The following HIVEP3 variants were observed in gnomAD, a reference collection of about 807,000 sequenced individuals.
HIVEP3 encodes HIVEP zinc finger 3, also known as transcription factor HIVEP3.
HIVEP3 carries 49 observed loss-of-function variants against 152.8 expected under a neutral mutation model. The ratio of observed to expected loss-of-function variants is 0.32; its 90% CI spans 0.26 to 0.41. The LOEUF (loss-of-function observed/expected upper bound fraction) is 0.41, where lower values mean the gene tolerates loss of function less well. HIVEP3 is among the 10% of genes least tolerant of loss of function. HIVEP3 has a pLI of 1.00. For synonymous variants in HIVEP3, 1,269 were observed against 1,289.0 expected (o/e 0.98, Z 0.33); for missense variants, 2,790 against 3,103.3 (o/e 0.90, Z 2.40).
intron 4 of HIVEP3, 49 bp from the exon 5 acceptor site, chr1:41,575,738 C>A: frequency 6.3e-7 from 1 of 1,596,360 alleles, no homozygotes; most frequent in Non-Finnish European, 8.6e-7. Context: ...AAAGTGCATC[C>A]TCAGTCACGA....
At chr1:41,775,775 C>T (rs146567846) in intron 1 of HIVEP3, among the ~76,000 whole-genome samples, 2,226 of 152,254 alleles carry the variant, frequency 0.015, 22 homozygotes, top group Non-Finnish European at 0.019. Context: ...GCCACCGCAC[C>T]CAGCCAGAAG....
At position 41,900,342 on chromosome 1, in the gene HIVEP3, C is replaced by T. The variant is rs547333675; in HGVS notation, c.-801+18071G>A. Among the ~76,000 whole-genome samples, 9 of 152,316 alleles carry T rather than the reference C, an allele frequency of 5.9e-5. No individual in the cohort carries two copies. The South Asian group carries it at 1.0e-3, about 18-fold the overall frequency. On this transcript the variant is annotated intron_variant, in intron 1 of 8. Transcript: ENST00000372583. The stretch of plus-strand genomic sequence containing the variant: ...GGTCAGTAAATGACAGTTATTGCTG[C>T]TATTACTTGGTAGACTCCCAAAAGT...
intron 1 of HIVEP3, among the ~76,000 whole-genome samples, chr1:41,907,558 C>T (rs374335134): frequency 2.5e-4 from 38 of 152,166 alleles, no homozygotes; most frequent in African/African-American, 8.0e-4. Flanking sequence ...GGGAAAAGAA[C>T]GTGAGACTGG....
In HIVEP3 at chr1:41,509,179, A is replaced by G. The variant is rs1644414077; in HGVS notation, c.*1272T>C. ...TTCAAAAATCCTCTAGGTCAAAAGA[A>G]TCTGTGGTGGCTGGGTGAAGTATCA... On this transcript the variant is annotated 3_prime_UTR_variant, in exon 9 of 9. Coordinates refer to ENST00000372583, the MANE Select transcript of HIVEP3 (RefSeq NM_024503.5). 1 of 152,288 alleles carries G rather than the reference A, an allele frequency of 6.6e-6. No individual in the cohort carries two copies. Among genetic ancestry groups the G allele is most frequent in the African/African-American group, 2.4e-5 (1 of 41,556 alleles). The allele number at this position is 152,288 out of a possible 1,614,324, so 9.4% of individuals were successfully genotyped here. A position where few individuals can be genotyped will look rare whatever the true frequency, so the allele number is the denominator to read the frequency against.
chr1:41,617,569 C>T (rs538468419), intron 3 of HIVEP3, among the ~76,000 whole-genome samples: 1 of 152,224 alleles, frequency 6.6e-6, no homozygotes, highest in African/African-American at 2.4e-5. Flanking sequence ...AGTGCGGCAC[C>T]GCCTGGGGTG....
intron 1 of HIVEP3, among the ~76,000 whole-genome samples, chr1:41,949,991 G>C (rs921366446): frequency 4.6e-5 from 7 of 152,270 alleles, no homozygotes; most frequent in Non-Finnish European, 8.8e-5. Flanking sequence ...AGGGTACTGA[G>C]AGACAGGACT....
At chr1:41,593,180 C>T (rs1644613223) in intron 3 of HIVEP3, among the ~76,000 whole-genome samples, 1 of 152,226 alleles carries the variant, frequency 6.6e-6, no homozygotes, top group Non-Finnish European at 1.5e-5. Flanking sequence ...TTTTAAACCA[C>T]TGCAGAATTG....
At chr1:41,635,743 A>G (rs920688077) in intron 2 of HIVEP3, among the ~76,000 whole-genome samples, 25 of 151,918 alleles carry the variant, frequency 1.6e-4, no homozygotes, top group Non-Finnish European at 3.7e-4. Context: ...ACTAGCAGTA[A>G]TAGGCAAAGT....
At chr1:42,027,887 C>T (rs965019580) in intron 1 of HIVEP3, among the ~76,000 whole-genome samples, 11 of 152,228 alleles carry the variant, frequency 7.2e-5, no homozygotes, top group Non-Finnish European at 1.2e-4. Context: ...CCCCATGATT[C>T]GATTACCTCC....
chr1:41,510,496 C>T lies in HIVEP3; in HGVS notation c.7176G>A (p.Arg2392=). ...SPKPSGSGEP[R]AHPHQPEDRV... ...TGTCCTCAGGCTGATGTGGATGTGC[C>T]CTGGGCTCCCCACTTCCTGAGGGCT... Residue 2392 remains arginine, a synonymous_variant, in exon 9 of 9, where the codon AGG becomes AGA. Coordinates refer to ENST00000372583, the MANE Select transcript of HIVEP3 (RefSeq NM_024503.5). 1 of 1,593,694 alleles carries T rather than the reference C, an allele frequency of 6.3e-7. No homozygotes were observed. The highest frequency in any genetic ancestry group is 8.5e-7 in the Non-Finnish European group (1 of 1,169,948).
At position 41,584,108 on chromosome 1, in the gene HIVEP3, C is replaced by T. The variant is rs767440330; in HGVS notation, c.690G>A (p.Lys230=). The change falls in exon 4 of 9, where the codon AAG becomes AAA. Residue 230 remains lysine (K), a synonymous_variant. Coordinates refer to ENST00000372583, the MANE Select transcript of HIVEP3 (RefSeq NM_024503.5). The surrounding 1 kb of genome is among the most constrained non-coding windows in gnomAD (Gnocchi z 5.2). ...TGTGCTTGTAGAGATTACTCTTGGT[C>T]TTGAAGGAGAAGCCACAGGGGCCGC... ...YPCGPCGFSF[K]TKSNLYKHRK... is the part of the protein sequence containing the mutation. 4 of 1,614,064 alleles carry T rather than the reference C, an allele frequency of 2.5e-6. No individual in the cohort carries two copies. The highest frequency in any genetic ancestry group is 1.3e-5 in the African/African-American group (1 of 74,928).
intron 1 of HIVEP3, among the ~76,000 whole-genome samples, chr1:41,706,653 G>C (rs1646438020): frequency 6.6e-6 from 1 of 152,218 alleles, no homozygotes; most frequent in South Asian, 2.1e-4. Flanking sequence ...CCACAGTAAA[G>C]AGTGAAGATG....
chr1:41,824,207 C>G lies in HIVEP3; in HGVS notation c.-801+94206G>C, dbSNP rs1200410927. Among the ~76,000 whole-genome samples, 8 of 152,264 alleles carry G rather than the reference C, an allele frequency of 5.3e-5. No individual in the cohort carries two copies. The South Asian group carries it at 1.2e-3, about 24-fold the overall frequency. The stretch of plus-strand genomic sequence containing the variant: ...TCCCAGGATACACCAAGAATCCCCC[C>G]AGGCCTTCTCATTCTGAATGCTACA... On this transcript the variant is annotated intron_variant, in intron 1 of 8. Coordinates refer to ENST00000372583, the MANE Select transcript of HIVEP3 (RefSeq NM_024503.5).
intron 2 of HIVEP3, among the ~76,000 whole-genome samples, chr1:41,649,151 T>C (rs970160098): frequency 6.6e-6 from 1 of 152,240 alleles, no homozygotes; most frequent in African/African-American, 2.4e-5. Flanking sequence ...AGAGTCCCAG[T>C]TCTGATGCTC....
chr1:41,637,065 C>CTAGCA (rs1057293670), intron 2 of HIVEP3, among the ~76,000 whole-genome samples: 4 of 151,944 alleles, frequency 2.6e-5, no homozygotes, highest in African/African-American at 7.2e-5. Flanking sequence ...TCATCAAATA[C>CTAGCA]TTCTCAAATA....
chr1:41,534,250 GAGCGA>G (rs1220402532), intron 5 of HIVEP3, among the ~76,000 whole-genome samples: 1 of 152,024 alleles, frequency 6.6e-6, no homozygotes, highest in Non-Finnish European at 1.5e-5. Context: ...ACTACCATCG[GAGCGA>G]AGCCCTGCAT....
In HIVEP3 at chr1:41,583,300, G is replaced by A; in HGVS notation, c.1498C>T (p.Pro500Ser). 1 of 1,612,294 alleles carries A rather than the reference G, an allele frequency of 6.2e-7. No homozygotes were observed. The highest frequency in any genetic ancestry group is 8.5e-7 in the Non-Finnish European group (1 of 1,179,266). The change falls in exon 4 of 9, where the codon CCA (proline) becomes TCA (serine). Residue 500 changes from proline (P) to serine (S), a missense_variant. Physicochemically the swap from Pro to Ser is moderately conservative, Grantham distance 74. Coordinates refer to ENST00000372583, the MANE Select transcript of HIVEP3 (RefSeq NM_024503.5). The surrounding 1 kb of genome is among the most constrained non-coding windows in gnomAD (Gnocchi z 6.9). ...GGCTCCCGGTAGAGGCTGGATTTTG[G>A]GGACTCCATGCTGCTGCGCCTGGAC... Reference protein sequence around the residue: ...SLSRRSSMESPKSSLYREPLS... With the variant: ...SLSRRSSMESSKSSLYREPLS...
intron 4 of HIVEP3, among the ~76,000 whole-genome samples, chr1:41,578,313 T>C (rs1238346847): frequency 6.6e-6 from 1 of 152,066 alleles, no homozygotes; most frequent in African/African-American, 2.4e-5. Flanking sequence ...ATCTTGGGAG[T>C]GGCCACAGCT....
intron 1 of HIVEP3, among the ~76,000 whole-genome samples, chr1:41,874,795 G>A (rs1215650417): frequency 6.6e-6 from 1 of 152,194 alleles, no homozygotes; most frequent in Non-Finnish European, 1.5e-5. Context: ...GATTTAGTTA[G>A]CGGTCTCCAA....
Sources: gnomAD v4.1 joint callset for allele counts (sites outside exome capture counted in the v4.1 genomes callset) on GRCh38, gnomAD v4.1.1 for gene constraint, Gnocchi (gnomAD v3.1) non-coding constraint, MANE v1.5 for transcripts, NCBI Gene and HGNC (gene_info 2026-07-23, HGNC 2026-07-21) for gene names.